RTN1: variants seen among roughly 807,000 people sequenced by gnomAD.
RTN1 encodes the protein reticulon-1.
In RTN1, 25 loss-of-function variants were observed where a neutral mutation model predicts 65.5. The observed-to-expected ratio is 0.38, with a 90% CI of 0.28 to 0.53. RTN1 has a LOEUF of 0.53. RTN1 is among the 20% of genes least tolerant of loss of function. The pLI is 0.79. For missense variants in RTN1, 983 were observed against 1,025.4 expected (o/e 0.96, Z 0.57); for synonymous variants, 471 against 447.6 (o/e 1.05, Z -0.66).
chr14:59,787,067 A>G (rs1886261839), intron 1 of RTN1, among the ~76,000 whole-genome samples: 1 of 152,240 alleles, frequency 6.6e-6, no homozygotes, highest in South Asian at 2.1e-4. Context: ...GATGGTCTTC[A>G]GCTTATAAAA....
intron 3 of RTN1, among the ~76,000 whole-genome samples, chr14:59,682,278 T>C (rs1366537210): frequency 6.6e-6 from 1 of 152,236 alleles, no homozygotes; most frequent in Non-Finnish European, 1.5e-5. Context: ...TCCATTTGTC[T>C]TCCTTTCCTT....
chr14:59,799,552 T>C (rs552036444), intron 1 of RTN1, among the ~76,000 whole-genome samples: 1 of 152,206 alleles, frequency 6.6e-6, no homozygotes, highest in East Asian at 1.9e-4. Context: ...CATAATATGA[T>C]AAATCAAATT....
At chr14:59,607,636 G>A (rs2140164308) in intron 3 of RTN1, 144 bp from the exon 4 acceptor site, 1 of 684,144 alleles carries the variant, frequency 1.5e-6, no homozygotes, top group Non-Finnish European at 2.6e-6. Flanking sequence ...ACAGATGGCT[G>A]TGCCAAGGGC....
At chr14:59,705,424 A>G (rs1309684726) in intron 3 of RTN1, among the ~76,000 whole-genome samples, 1 of 152,248 alleles carries the variant, frequency 6.6e-6, no homozygotes, top group Non-Finnish European at 1.5e-5. Flanking sequence ...CCACTGGTGT[A>G]CTAGCTATCA....
At chr14:59,621,939 G>A (rs971046803) in intron 3 of RTN1, among the ~76,000 whole-genome samples, 1 of 152,154 alleles carries the variant, frequency 6.6e-6, no homozygotes, top group Non-Finnish European at 1.5e-5. Flanking sequence ...CTGCATTATG[G>A]TACCATATTC....
At chr14:59,724,122 T>C (rs556181011) in intron 3 of RTN1, among the ~76,000 whole-genome samples, 2 of 152,072 alleles carry the variant, frequency 1.3e-5, no homozygotes, top group East Asian at 1.9e-4. Context: ...TCCTAGAAGG[T>C]GTAGGGGAGC....
intron 4 of RTN1, chr14:59,606,126 A>ATCTC (rs1555351518): frequency 2.4e-5 from 3 of 124,124 alleles, no homozygotes; most frequent in African/African-American, 3.9e-5. Context: ...ATATATATAT[A>ATCTC]TCATACCAGC....
At chr14:59,716,955 G>A (rs1041139658) in intron 3 of RTN1, among the ~76,000 whole-genome samples, 4 of 147,232 alleles carry the variant, frequency 2.7e-5, no homozygotes, top group Admixed American at 6.9e-5. Flanking sequence ...GCAACAGAGC[G>A]AGACTCCATC....
At chr14:59,606,885 C>A (rs1186762451) in intron 4 of RTN1, among the ~76,000 whole-genome samples, 1 of 152,188 alleles carries the variant, frequency 6.6e-6, no homozygotes, top group Non-Finnish European at 1.5e-5. Context: ...CCCAAATACC[C>A]TAGTCCTGGT....
rs532250792 is a variant in RTN1, at chr14:59,789,329, A to T, written c.242-42848T>A. 9.9e-5 allele frequency among the ~76,000 whole-genome samples: 15 copies of T among 152,188 alleles called. No homozygotes were observed. In the South Asian group the frequency reaches 2.5e-3, roughly 25 times the overall value. ...ATGGGAGAACATTTAATGTTGTATGATATATGTTTATTTTTTAATGTCAGT... is the reference window on the plus strand; with the variant it reads ...ATGGGAGAACATTTAATGTTGTATGTTATATGTTTATTTTTTAATGTCAGT... On this transcript the variant is annotated intron_variant, in intron 1 of 8. Transcript: ENST00000267484.
intron 3 of RTN1, among the ~76,000 whole-genome samples, chr14:59,659,942 T>G (rs1883208643): frequency 6.8e-6 from 1 of 147,894 alleles, no homozygotes; most frequent in Non-Finnish European, 1.5e-5. Context: ...AGACACAGAC[T>G]GGCAAATTGG....
At chr14:59,749,174 ATCTATAT>A (rs1286472909) in intron 1 of RTN1, among the ~76,000 whole-genome samples, 1 of 113,860 alleles carries the variant, frequency 8.8e-6, no homozygotes, top group Admixed American at 9.9e-5. Flanking sequence ...CTATATATCT[ATCTATAT>A]ATCTATCTAT....
chr14:59,789,807 T>G (rs373052155), intron 1 of RTN1, among the ~76,000 whole-genome samples: 1 of 152,010 alleles, frequency 6.6e-6, no homozygotes, highest in African/African-American at 2.4e-5. Flanking sequence ...AATATCTACA[T>G]ATAATGTAAT....
chr14:59,691,873 A>G (rs1883969044), intron 3 of RTN1, among the ~76,000 whole-genome samples: 1 of 152,220 alleles, frequency 6.6e-6, no homozygotes, highest in South Asian at 2.1e-4. Context: ...AGCTTTGGAT[A>G]AAATCCAACA....
At chr14:59,628,798 A>G (rs1250379731) in intron 3 of RTN1, among the ~76,000 whole-genome samples, 1 of 152,256 alleles carries the variant, frequency 6.6e-6, no homozygotes, top group African/African-American at 2.4e-5. Flanking sequence ...ACCGAGTCAA[A>G]CCGCATAAGA....
At chr14:59,737,085 T>A (rs1406700268) in intron 2 of RTN1, among the ~76,000 whole-genome samples, 1 of 152,144 alleles carries the variant, frequency 6.6e-6, no homozygotes, top group Admixed American at 6.5e-5. Context: ...GCTGGAAGCA[T>A]TCCTATTAAA....
chr14:59,597,882 A>T (rs909276613), intron 8 of RTN1, among the ~76,000 whole-genome samples: 4 of 152,050 alleles, frequency 2.6e-5, no homozygotes, highest in Non-Finnish European at 5.9e-5. Context: ...AGGAGATGAG[A>T]AGCCCGTTTG....
rs112301210 is a variant in RTN1, at chr14:59,729,124, A to T, written c.1016-1456T>A. On this transcript the variant is annotated intron_variant, in intron 2 of 8. Transcript: ENST00000267484. ...CTTGAAGCAGGTGAGAGAGTGACTC[A>T]TGAAGATATCCAGAGGAAAAGCACG... Among the ~76,000 whole-genome samples the T allele has an allele frequency of 1.5e-3, 224 of 152,320 alleles. 1 individual carries two copies. The highest frequency in any genetic ancestry group is 5.2e-3 in the African/African-American group (215 of 41,572).
rs372414575 is a variant in RTN1, at chr14:59,727,112, G to A, written c.1572C>T (p.Asp524=). 11 of 1,609,462 alleles carry A rather than the reference G, an allele frequency of 6.8e-6. No individual in the cohort carries two copies. Among genetic ancestry groups the A allele is most frequent in the African/African-American group, 1.3e-5 (1 of 74,860 alleles). The change falls in exon 3 of 9, where the codon GAC becomes GAT. Residue 524 remains aspartate (D), a synonymous_variant. Coordinates refer to ENST00000267484, the MANE Select transcript of RTN1 (RefSeq NM_021136.3). This position sits in a 1 kb window ranked among gnomAD's most constrained non-coding sequence, Gnocchi z 4.2. ...CAGGCTGGGGCTCAGTTGAGGGGTA[G>A]TCGAGGAAGGAACCCGGCTCGGCCA... The part of the protein sequence containing the change: ...RGLAEPGSFL[D]YPSTEPQPGP...
Sources: allele counts gnomAD v4.1 joint callset (sites outside exome capture counted in the v4.1 genomes callset), GRCh38; gene constraint gnomAD v4.1.1; non-coding constraint Gnocchi (gnomAD v3.1); transcripts MANE v1.5; gene names NCBI Gene and HGNC (gene_info 2026-07-23, HGNC 2026-07-21).